ENAH: variants seen among roughly 807,000 people sequenced by gnomAD.
The protein encoded by ENAH is ENAH actin regulator, also known as protein enabled homolog.
A neutral mutation model predicts 78.7 loss-of-function variants in ENAH; 23 were observed. The observed-to-expected ratio is 0.29, with a 90% CI of 0.21 to 0.41. The LOEUF is 0.41. Ranked by LOEUF, ENAH falls within the 10% of genes least tolerant of loss-of-function variation. The pLI, the probability that ENAH is intolerant of heterozygous loss-of-function variation, is 1.00. For missense variants in ENAH, 544 were observed against 691.0 expected (o/e 0.79, Z 2.39); for synonymous variants, 226 against 241.0 (o/e 0.94, Z 0.58).
chr1:225,604,251 C>A (rs2096943916), intron 1 of ENAH, among the ~76,000 whole-genome samples: 1 of 152,174 alleles, frequency 6.6e-6, no homozygotes, highest in African/African-American at 2.4e-5. Context: ...TGGACATAAT[C>A]AAAGTCCAGG....
intron 1 of ENAH, among the ~76,000 whole-genome samples, chr1:225,636,758 G>C (rs1215315063): frequency 6.6e-6 from 1 of 152,148 alleles, no homozygotes; most frequent in East Asian, 1.9e-4. Flanking sequence ...ATTCAAAAAA[G>C]TTATTAATAG....
In ENAH at chr1:225,564,750, A is replaced by T. The variant is rs555904152; in HGVS notation, c.171+2499T>A. Among the ~76,000 whole-genome samples, 110 of 152,164 alleles carry T rather than the reference A, an allele frequency of 7.2e-4. 1 individual carries two copies. Among genetic ancestry groups the T allele is most frequent in the African/African-American group, 2.5e-3 (103 of 41,544 alleles). ...CCACGCCAGCTAGTTTATCTTTTCA[A>T]TGAAGCAGCTTTTGTATTAACAAAT... On this transcript the variant is annotated intron_variant, in intron 2 of 13. Transcript: ENST00000366843.
At chr1:225,501,568 A>G (rs2096282434) in intron 11 of ENAH, among the ~76,000 whole-genome samples, 1 of 152,252 alleles carries the variant, frequency 6.6e-6, no homozygotes, top group South Asian at 2.1e-4. Flanking sequence ...GATTGCAGGA[A>G]GAAAACATTT....
intron 1 of ENAH, among the ~76,000 whole-genome samples, chr1:225,586,028 AC>A (rs2096844407): frequency 6.6e-6 from 1 of 152,082 alleles, no homozygotes; most frequent in African/African-American, 2.4e-5. Flanking sequence ...AGCCTGGGCA[AC>A]AAGGTCAGAC....
intron 3 of ENAH, among the ~76,000 whole-genome samples, chr1:225,548,253 G>A (rs1012512071): frequency 7.2e-6 from 1 of 139,112 alleles, no homozygotes; most frequent in African/African-American, 2.7e-5. Context: ...ACATTTTCTA[G>A]TTTAATACTA....
chr1:225,620,265 C>T (rs1185397577), intron 1 of ENAH, among the ~76,000 whole-genome samples: 1 of 152,008 alleles, frequency 6.6e-6, no homozygotes, highest in Admixed American at 6.6e-5. Flanking sequence ...CGGTGGTTCA[C>T]ACCTGTAATC....
chr1:225,575,756 A>G (rs1446309949), intron 1 of ENAH, among the ~76,000 whole-genome samples: 1 of 152,156 alleles, frequency 6.6e-6, no homozygotes, highest in Non-Finnish European at 1.5e-5. Context: ...TGTGCATATC[A>G]TCTCTACCAA....
chr1:225,529,762 G>A (rs901584116), intron 4 of ENAH, among the ~76,000 whole-genome samples: 2 of 152,122 alleles, frequency 1.3e-5, no homozygotes, highest in African/African-American at 4.8e-5. Context: ...TCTAACCTGA[G>A]GTCAGCAGGT....
intron 1 of ENAH, among the ~76,000 whole-genome samples, chr1:225,630,949 C>T (rs1481188595): frequency 6.6e-6 from 1 of 152,108 alleles, no homozygotes; most frequent in Non-Finnish European, 1.5e-5. Flanking sequence ...GATCTATAAA[C>T]CCTTTGAACA....
At chr1:225,498,276 T>G (rs2096260917) in intron 13 of ENAH, 71 bp downstream of exon 13, 4 of 1,259,410 alleles carry the variant, frequency 3.2e-6, no homozygotes, top group Non-Finnish European at 4.6e-6. Context: ...ATTTCCTTAT[T>G]TGCATTTTCT....
chr1:225,597,602 T>A (rs475794), intron 1 of ENAH, among the ~76,000 whole-genome samples: 1 of 149,280 alleles, frequency 6.7e-6, no homozygotes, highest in African/African-American at 2.5e-5. Flanking sequence ...AGGCTGCAGT[T>A]AGCCATGACT....
At chr1:225,512,841 G>T in intron 8 of ENAH, 30 bp downstream of exon 8, 1 of 1,611,044 alleles carries the variant, frequency 6.2e-7, no homozygotes, top group South Asian at 1.1e-5. Flanking sequence ...TCTCAATTCT[G>T]GGCATGTCCA....
At chr1:225,555,836 G>C (rs1248122376) in intron 2 of ENAH, among the ~76,000 whole-genome samples, 1 of 152,114 alleles carries the variant, frequency 6.6e-6, no homozygotes, top group Non-Finnish European at 1.5e-5. Flanking sequence ...ACATTTATAT[G>C]AAATCCAAAA....
chr1:225,589,429 A>C (rs1478762230), intron 1 of ENAH, among the ~76,000 whole-genome samples: 2 of 152,174 alleles, frequency 1.3e-5, no homozygotes, highest in African/African-American at 4.8e-5. Flanking sequence ...TAAATAAATA[A>C]ATTATAGTCA....
chr1:225,512,701 C>T lies in ENAH; in HGVS notation c.1378G>A (p.Glu460Lys). Residue 460 changes from glutamate to lysine, a missense_variant, in exon 9 of 14, where the codon GAA (glutamate) becomes AAA (lysine). Around this residue, in one of 4 missense-constraint regions of ENAH, gnomAD observed 97 missense variants for 124.4 expected, o/e 0.78. Transcript: ENST00000366843. ...ALLARRRRIA[E>K]KGSTIETEQK... ...TCTGTTTCTATTGTTGATCCCTTTTCAGCAATTCTTCTCCTACAAAGAAGG... is the reference window on the plus strand; with the variant it reads ...TCTGTTTCTATTGTTGATCCCTTTTTAGCAATTCTTCTCCTACAAAGAAGG... 6.2e-7 allele frequency: 1 copy of T among 1,613,806 alleles called. No individual in the cohort carries two copies. The highest frequency in any genetic ancestry group is 1.7e-4 in the Middle Eastern group (1 of 6,060).
At chr1:225,617,231 T>C (rs1342679009) in intron 1 of ENAH, among the ~76,000 whole-genome samples, 2 of 152,204 alleles carry the variant, frequency 1.3e-5, no homozygotes, top group African/African-American at 2.4e-5. Flanking sequence ...AGTTGAAATA[T>C]ACATGTCCAC....
Position 225,491,650 on chromosome 1 carries a change from C to CA in ENAH, c.*6124dup, listed in dbSNP as rs2096222900. 6.6e-6 allele frequency: 1 copy of CA among 152,160 alleles called. No individual in the cohort carries two copies. The highest frequency in any genetic ancestry group is 2.1e-4 in the South Asian group (1 of 4,820). 9.4% of individuals were successfully genotyped at this position (152,160 alleles called of 1,614,324 possible). ...AGTGTAAGCCAAGAACCTTTTCTCT[C>CA]AGTTTCTATAGACTTGGATGGAAAC... is the stretch of plus-strand genomic sequence containing the variant. On this transcript the variant is annotated 3_prime_UTR_variant, in exon 14 of 14. Coordinates refer to ENST00000366843, the MANE Select transcript of ENAH (RefSeq NM_018212.6).
chr1:225,509,466 A>G, intron 10 of ENAH, among the ~76,000 whole-genome samples: 1 of 152,168 alleles, frequency 6.6e-6, no homozygotes, highest in East Asian at 1.9e-4. Context: ...GGCCCTGTGG[A>G]AGCTGAGAAG....
intron 1 of ENAH, among the ~76,000 whole-genome samples, chr1:225,569,216 C>T (rs2096748616): frequency 1.3e-5 from 2 of 152,182 alleles, no homozygotes; most frequent in Admixed American, 1.3e-4. Context: ...GTAAATAATT[C>T]AATAAACAAA....
Sources: gnomAD v4.1 joint callset for allele counts (sites outside exome capture counted in the v4.1 genomes callset) on GRCh38, gnomAD v4.1.1 for gene constraint, gnomAD v4.1.1 regional missense constraint, MANE v1.5 for transcripts, NCBI Gene and HGNC (gene_info 2026-07-23, HGNC 2026-07-21) for gene names.